The following EYS variants were observed in gnomAD, a reference collection of about 807,000 sequenced individuals.
EYS encodes the protein EGF-like photoreceptor maintenance factor.
Under a neutral mutation model 282.1 loss-of-function variants are expected in EYS, and 250 were observed. The ratio of observed to expected loss-of-function variants is 0.89; its 90% CI spans 0.80 to 0.98. EYS has a LOEUF of 0.98. Among genes scored for constraint, EYS ranks in the 50% least tolerant of loss-of-function variants. EYS has a pLI of 0.00. For synonymous variants in EYS, 1,355 were observed against 1,282.9 expected (o/e 1.06, Z -1.20); for missense variants, 4,016 against 3,709.0 (o/e 1.08, Z -2.15).
chr6:64,143,609 A>G (rs1324490922), intron 31 of EYS, among the ~76,000 whole-genome samples: 3 of 152,170 alleles, frequency 2.0e-5, no homozygotes, highest in African/African-American at 7.2e-5. Context: ...AATGGGATTT[A>G]GTTTCTGCAT....
At chr6:64,867,497 T>G (rs185636714) in intron 19 of EYS, among the ~76,000 whole-genome samples, 3 of 151,824 alleles carry the variant, frequency 2.0e-5, no homozygotes, top group Admixed American at 2.0e-4. Context: ...AGGCAGGTGA[T>G]CCTATGACAC....
At chr6:64,026,295 TG>T (rs1769506446) in intron 33 of EYS, among the ~76,000 whole-genome samples, 1 of 152,146 alleles carries the variant, frequency 6.6e-6, no homozygotes, top group African/African-American at 2.4e-5. Flanking sequence ...GGGTCCGTTG[TG>T]GGTTCTTGGG....
At chr6:64,894,488 T>C (rs1767391757) in intron 18 of EYS, among the ~76,000 whole-genome samples, 1 of 152,160 alleles carries the variant, frequency 6.6e-6, no homozygotes, top group Non-Finnish European at 1.5e-5. Context: ...GCCTCATGTA[T>C]ATAGAATGAA....
intron 5 of EYS, among the ~76,000 whole-genome samples, chr6:65,467,369 A>G (rs898848278): frequency 6.6e-6 from 1 of 152,140 alleles, no homozygotes. Flanking sequence ...CAAGATTTCC[A>G]CAAGGTTGCA....
intron 28 of EYS, among the ~76,000 whole-genome samples, chr6:64,408,074 A>T (rs1397898111): frequency 2.0e-5 from 3 of 152,132 alleles, no homozygotes; most frequent in Admixed American, 6.6e-5. Context: ...GAGGTTTACC[A>T]TAAATTATCT....
At position 65,043,595 on chromosome 6, in the gene EYS, T is replaced by C. The variant is rs1773006160; in HGVS notation, c.2137+14019A>G. Among the ~76,000 whole-genome samples the C allele has an allele frequency of 1.3e-5, 2 of 151,550 alleles. 1 individual carries two copies. The highest frequency in any genetic ancestry group is 4.1e-4 in the South Asian group (2 of 4,822). On this transcript the variant is annotated intron_variant, in intron 13 of 42. Coordinates refer to ENST00000503581, the MANE Select transcript of EYS (RefSeq NM_001142800.2). ...TAAGCATTATTTTGCTCTCTGCTAC[T>C]ATGAGTTTAACGTTTTTAGATTTCA...
At chr6:65,101,556 A>G (rs1774893098) in intron 12 of EYS, among the ~76,000 whole-genome samples, 1 of 151,258 alleles carries the variant, frequency 6.6e-6, no homozygotes, top group Non-Finnish European at 1.5e-5. Context: ...GCAGTAAACT[A>G]CCTCAGATAA....
intron 36 of EYS, among the ~76,000 whole-genome samples, chr6:63,843,639 A>G (rs60694786): frequency 0.12 from 18,312 of 152,234 alleles, 1,326 homozygotes; most frequent in African/African-American, 0.19. Flanking sequence ...AGCCACAGTC[A>G]GTATCATACT....
At chr6:64,007,982 T>C (rs1768430364) in intron 33 of EYS, among the ~76,000 whole-genome samples, 2 of 152,138 alleles carry the variant, frequency 1.3e-5, no homozygotes, top group Non-Finnish European at 2.9e-5. Flanking sequence ...AGTGGAGATA[T>C]CTGTTAGGTC....
chr6:64,914,079 G>A (rs1768088090), intron 15 of EYS, among the ~76,000 whole-genome samples: 1 of 151,954 alleles, frequency 6.6e-6, no homozygotes, highest in African/African-American at 2.4e-5. Context: ...GAGGGGGAAA[G>A]TGTTTTACAC....
chr6:63,740,699 C>A (rs1229618020), intron 41 of EYS, among the ~76,000 whole-genome samples: 1 of 152,160 alleles, frequency 6.6e-6, no homozygotes, highest in Non-Finnish European at 1.5e-5. Flanking sequence ...TGTTTTGAAA[C>A]AATGCATAGA....
intron 22 of EYS, among the ~76,000 whole-genome samples, chr6:64,701,207 T>C (rs1346868985): frequency 6.6e-6 from 1 of 152,100 alleles, no homozygotes; most frequent in Non-Finnish European, 1.5e-5. Context: ...TCTCATTATG[T>C]ACAAAAATTA....
intron 11 of EYS, chr6:65,330,533 G>A (rs1206985754): frequency 6.1e-6 from 6 of 983,482 alleles, no homozygotes; most frequent in Non-Finnish European, 7.2e-6. Flanking sequence ...AAGATTTCAG[G>A]GCAAAAAAAT....
intron 22 of EYS, among the ~76,000 whole-genome samples, chr6:64,774,524 C>A (rs945244746): frequency 4.6e-5 from 7 of 151,838 alleles, no homozygotes; most frequent in Non-Finnish European, 7.4e-5. Context: ...CTCCATACAC[C>A]AGTTTCTCAA....
At chr6:65,010,306 C>T (rs1380385852) in intron 13 of EYS, among the ~76,000 whole-genome samples, 2 of 152,172 alleles carry the variant, frequency 1.3e-5, no homozygotes, top group Non-Finnish European at 2.9e-5. Flanking sequence ...AGGGATCTTA[C>T]TGTGTGGACA....
chr6:64,275,732 G>A (rs376831803), intron 30 of EYS, among the ~76,000 whole-genome samples: 88 of 151,444 alleles, frequency 5.8e-4, no homozygotes, highest in African/African-American at 8.5e-4. Context: ...CGAGGCGGGC[G>A]GATCACGAGG....
intron 33 of EYS, among the ~76,000 whole-genome samples, chr6:64,008,241 CT>C (rs2149809433): frequency 6.6e-6 from 1 of 152,062 alleles, no homozygotes; most frequent in African/African-American, 2.4e-5. Context: ...GTTTATTTAT[CT>C]TTTTTGATCA....
At chr6:64,887,487 G>A (rs546087399) in intron 18 of EYS, among the ~76,000 whole-genome samples, 19 of 152,006 alleles carry the variant, frequency 1.2e-4, no homozygotes, top group Admixed American at 5.9e-4. Flanking sequence ...TAAACTGATC[G>A]AAACTGTATA....
intron 2 of EYS, among the ~76,000 whole-genome samples, chr6:65,636,379 T>C (rs553023988): frequency 6.6e-6 from 1 of 152,330 alleles, no homozygotes; most frequent in South Asian, 2.1e-4. Context: ...TTTGCTTGCT[T>C]GTCTTCCTGA....
Sources: allele counts gnomAD v4.1 joint callset (sites outside exome capture counted in the v4.1 genomes callset), GRCh38; gene constraint gnomAD v4.1.1; transcripts MANE v1.5; gene names NCBI Gene and HGNC (gene_info 2026-07-23, HGNC 2026-07-21).